GABRG2: variants seen among roughly 807,000 people sequenced by gnomAD.
GABRG2 encodes gamma-aminobutyric acid receptor subunit gamma-2.
A neutral mutation model predicts 56.4 loss-of-function variants in GABRG2; 16 were observed. The ratio of observed to expected loss-of-function variants is 0.28; its 90% CI spans 0.19 to 0.43. GABRG2 has a LOEUF of 0.43. Ranked by LOEUF, GABRG2 falls within the 20% of genes least tolerant of loss-of-function variation. The pLI is 1.00. For missense variants in GABRG2, 327 were observed against 582.7 expected, an observed-to-expected ratio of 0.56 and a Z score of 4.52; for synonymous variants, 208 against 205.5, an observed-to-expected ratio of 1.01 and a Z score of -0.10.
chr5:162,114,376 T>C (rs1762465271), intron 6 of GABRG2, among the ~76,000 whole-genome samples: 1 of 152,082 alleles, frequency 6.6e-6, no homozygotes, highest in Admixed American at 6.6e-5. Context: ...TGAGATAGCA[T>C]ATGTATCTGT....
chr5:162,130,364 C>T (rs182194947), intron 6 of GABRG2, among the ~76,000 whole-genome samples: 2 of 151,956 alleles, frequency 1.3e-5, no homozygotes, highest in Admixed American at 6.6e-5. Flanking sequence ...CCTGCAGTTG[C>T]CTGAATTTGA....
intron 6 of GABRG2, among the ~76,000 whole-genome samples, chr5:162,105,702 T>C (rs1761764386): frequency 6.6e-6 from 1 of 151,822 alleles, no homozygotes; most frequent in Admixed American, 6.6e-5. Context: ...ACTGCTGGGA[T>C]TACAGGCAAG....
chr5:162,121,488 G>A (rs1321621506), intron 6 of GABRG2, among the ~76,000 whole-genome samples: 1 of 151,958 alleles, frequency 6.6e-6, no homozygotes, highest in East Asian at 1.9e-4. Context: ...TGGACAAAGT[G>A]TGCATTTTGT....
chr5:162,092,260 C>G (rs1228621479), intron 1 of GABRG2, among the ~76,000 whole-genome samples: 2 of 152,024 alleles, frequency 1.3e-5, no homozygotes, highest in Non-Finnish European at 2.9e-5. Flanking sequence ...CCCATTATAC[C>G]CACTATGGGC....
At chr5:162,132,820 G>A (rs1437568028) in intron 6 of GABRG2, among the ~76,000 whole-genome samples, 1 of 151,952 alleles carries the variant, frequency 6.6e-6, no homozygotes, top group African/African-American at 2.4e-5. Context: ...CTCCTGAAAT[G>A]GGACTTCTGC....
rs587780948 is a variant in GABRG2, at chr5:162,102,677, C to T, written c.632-1212C>T. 23 of 448,174 alleles carry T rather than the reference C, an allele frequency of 5.1e-5. No homozygotes were observed. Among genetic ancestry groups the T allele is most frequent in the Admixed American group, 1.2e-4 (5 of 42,280 alleles). 27.8% of individuals were successfully genotyped at this position (448,174 alleles called of 1,614,324 possible). On this transcript the variant is annotated intron_variant, in intron 5 of 9. Coordinates refer to ENST00000639213, the MANE Select transcript of GABRG2 (RefSeq NM_198904.4). Reference sequence around the variant, plus strand: ...TCCAGAGTAGCTGGGATTTCAGGCACGCACCACCATACCCAGCTAATTTCT... The same window carrying T: ...TCCAGAGTAGCTGGGATTTCAGGCATGCACCACCATACCCAGCTAATTTCT...
Position 162,154,840 on chromosome 5 carries a change from T to C in GABRG2, c.*1472T>C, listed in dbSNP as rs1054335718. ...GCTTTTAAAAACTGAAAAAAAAAAA[T>C]GAATGACTCACATAGAGGTTGAGCC... On this transcript the variant is annotated 3_prime_UTR_variant, in exon 10 of 10. Coordinates refer to ENST00000639213, the MANE Select transcript of GABRG2 (RefSeq NM_198904.4). 1 of 151,172 alleles carries C rather than the reference T, an allele frequency of 6.6e-6. No homozygotes were observed. The highest frequency in any genetic ancestry group is 2.1e-4 in the South Asian group (1 of 4,776). The allele number at this position is 151,172 out of a possible 1,614,324, so 9.4% of individuals were successfully genotyped here. A position where few individuals can be genotyped will look rare whatever the true frequency, so the allele number is the denominator to read the frequency against.
chr5:162,120,853 A>G (rs1762934960), intron 6 of GABRG2, among the ~76,000 whole-genome samples: 1 of 152,178 alleles, frequency 6.6e-6, no homozygotes, highest in African/African-American at 2.4e-5. Flanking sequence ...AAGAATTCCC[A>G]TTAAAACCTG....
chr5:162,115,795 C>G lies in GABRG2; in HGVS notation c.769+11769C>G, dbSNP rs1456433612. On this transcript the variant is annotated intron_variant, in intron 6 of 9. Coordinates refer to ENST00000639213, the MANE Select transcript of GABRG2 (RefSeq NM_198904.4). ...TATAAATTGGCTGAACTTGTATAGT[C>G]CTGTGAGTCGGCAGTCAAAATAATA... 3.9e-5 allele frequency among the ~76,000 whole-genome samples: 6 copies of G among 152,044 alleles called. No homozygotes were observed. In the East Asian group the frequency reaches 9.7e-4, roughly 25 times the overall value.
rs1039939613 is a variant in GABRG2 at position 162,155,521 on chromosome 5, A to C, written c.*2153A>C. On this transcript the variant is annotated 3_prime_UTR_variant, in exon 10 of 10. Coordinates refer to ENST00000639213, the MANE Select transcript of GABRG2 (RefSeq NM_198904.4). Reference sequence around the variant, plus strand: ...TTTTACAATAAAAATGCTGCATTCTAATCCATGGTGGCATCTCAGTAGTCT... The same window carrying C: ...TTTTACAATAAAAATGCTGCATTCTCATCCATGGTGGCATCTCAGTAGTCT... The C allele has an allele frequency of 6.6e-6, 1 of 152,550 alleles. No individual in the cohort carries two copies. Among genetic ancestry groups the C allele is most frequent in the Admixed American group, 6.6e-5 (1 of 15,234 alleles). The allele number at this position is 152,550 out of a possible 1,614,324, so 9.4% of individuals were successfully genotyped here. A position where few individuals can be genotyped will look rare whatever the true frequency, so the allele number is the denominator to read the frequency against.
At chr5:162,113,868 A>G (rs1048163860) in intron 6 of GABRG2, among the ~76,000 whole-genome samples, 11 of 152,198 alleles carry the variant, frequency 7.2e-5, no homozygotes, top group Admixed American at 1.3e-4. Flanking sequence ...TGTTACCAGT[A>G]TTAGTGACTA....
intron 1 of GABRG2, among the ~76,000 whole-genome samples, chr5:162,074,829 T>C (rs895599787): frequency 6.6e-6 from 1 of 152,154 alleles, no homozygotes; most frequent in African/African-American, 2.4e-5. Context: ...TCCCCAGGAA[T>C]TTTCTAACCA....
chr5:162,075,898 A>G (rs1759063786), intron 1 of GABRG2, among the ~76,000 whole-genome samples: 2 of 152,060 alleles, frequency 1.3e-5, no homozygotes, highest in South Asian at 4.1e-4. Flanking sequence ...TTCATATTAA[A>G]AAAGGAAGAT....
At chr5:162,116,409 G>A (rs1224180447) in intron 6 of GABRG2, among the ~76,000 whole-genome samples, 1 of 151,464 alleles carries the variant, frequency 6.6e-6, no homozygotes. Context: ...TCTACCTCCA[G>A]TGTTTCTTTA....
chr5:162,109,424 T>TATA lies in GABRG2; in HGVS notation c.769+5398_769+5399insATA, dbSNP rs1581377391. On this transcript the variant is annotated intron_variant, in intron 6 of 9. Coordinates refer to ENST00000639213, the MANE Select transcript of GABRG2 (RefSeq NM_198904.4). The stretch of plus-strand genomic sequence containing the variant: ...TATATATATATATATATATATATAT[T>TATA]TATTTATATAAAATGAAAACATGAT... 2.1e-4 allele frequency among the ~76,000 whole-genome samples: 18 copies of TATA among 87,726 alleles called. No homozygotes were observed. In the East Asian group the frequency reaches 2.4e-3, roughly 12 times the overall value. The allele number at this position is 87,726 out of a possible 152,430, so 57.6% of individuals were successfully genotyped here. A position where few individuals can be genotyped will look rare whatever the true frequency, so the allele number is the denominator to read the frequency against.
intron 7 of GABRG2, among the ~76,000 whole-genome samples, chr5:162,147,214 TTC>T (rs1340493516): frequency 6.6e-6 from 1 of 150,622 alleles, no homozygotes; most frequent in Non-Finnish European, 1.5e-5. Context: ...TCTTTCTTCC[TTC>T]TTTCTTTCTC....
intron 7 of GABRG2, among the ~76,000 whole-genome samples, chr5:162,148,562 A>G (rs990847593): frequency 1.3e-5 from 2 of 152,222 alleles, no homozygotes; most frequent in African/African-American, 2.4e-5. Flanking sequence ...GCCACATTTT[A>G]TAACTTCCTT....
At chr5:162,088,013 A>G (rs1255204270) in intron 1 of GABRG2, among the ~76,000 whole-genome samples, 3 of 152,032 alleles carry the variant, frequency 2.0e-5, no homozygotes, top group African/African-American at 7.2e-5. Context: ...CTCTAATTCT[A>G]CCCTGTTTGC....
At chr5:162,071,106 G>T (rs565323211) in intron 1 of GABRG2, among the ~76,000 whole-genome samples, 169 of 151,510 alleles carry the variant, frequency 1.1e-3, no homozygotes, top group South Asian at 5.8e-3. Context: ...GTTATAAGAA[G>T]ATATTGGCTC....
Sources: allele counts gnomAD v4.1 joint callset (sites outside exome capture counted in the v4.1 genomes callset), GRCh38; gene constraint gnomAD v4.1.1; transcripts MANE v1.5; gene names NCBI Gene and HGNC (gene_info 2026-07-23, HGNC 2026-07-21).